DIS3L2: variants seen among roughly 807,000 people sequenced by gnomAD.
DIS3L2 encodes DIS3-like exonuclease 2.
Under a neutral mutation model 97.5 loss-of-function variants are expected in DIS3L2, and 34 were observed. The ratio of observed to expected loss-of-function variants is 0.35; its 90% confidence interval spans 0.27 to 0.46. DIS3L2 has a LOEUF of 0.46. Among genes scored for constraint, DIS3L2 ranks in the 20% least tolerant of loss-of-function variants. The probability of loss-of-function intolerance (pLI) is 1.00; values close to 1 mark genes in which losing one functional copy is unlikely to be tolerated. For synonymous variants in DIS3L2, 435 were observed against 445.2 expected, an observed-to-expected ratio of 0.98 and a Z score of 0.29; for missense variants, 1,038 against 1,146.0, an observed-to-expected ratio of 0.91 and a Z score of 1.36.
chr2:232,329,789 T>TGGCC, intron 14 of DIS3L2, 24 bp from the exon 15 acceptor site: 5 of 368,598 alleles, frequency 1.4e-5, no homozygotes, highest in Non-Finnish European at 2.5e-5. Flanking sequence ...CAGCGGTCCC[T>TGGCC]CCCATCCCAC....
At chr2:232,216,100 C>T (rs930517831) in intron 10 of DIS3L2, among the ~76,000 whole-genome samples, 3 of 152,226 alleles carry the variant, frequency 2.0e-5, no homozygotes, top group Admixed American at 6.5e-5. Context: ...TTGTGTCTGT[C>T]AGGACACCTT....
chr2:232,205,463 G>A (rs1692004766), intron 9 of DIS3L2, among the ~76,000 whole-genome samples: 1 of 151,794 alleles, frequency 6.6e-6, no homozygotes, highest in South Asian at 2.1e-4. Flanking sequence ...CCACCACAAT[G>A]GCTAATTTTT....
chr2:232,329,786 C>CCCCGGGGCGG, intron 14 of DIS3L2, 27 bp from the exon 15 acceptor site: 2 of 430,238 alleles, frequency 4.6e-6, no homozygotes, highest in Non-Finnish European at 8.4e-6. Context: ...CCCCAGCGGT[C>CCCCGGGGCGG]CCTCCCATCC....
intron 14 of DIS3L2, chr2:232,307,749 A>G (rs976059862): frequency 6.6e-6 from 1 of 152,234 alleles, no homozygotes; most frequent in African/African-American, 2.4e-5. Context: ...TTCAAGAAGG[A>G]TATTCACAAT....
At chr2:232,109,912 TA>T (rs1351762213) in intron 6 of DIS3L2, among the ~76,000 whole-genome samples, 3 of 151,882 alleles carry the variant, frequency 2.0e-5, no homozygotes, top group Non-Finnish European at 4.4e-5. Context: ...ACCAACAGAG[TA>T]AACAGACAAC....
At chr2:232,197,885 G>A (rs1022694142) in intron 9 of DIS3L2, among the ~76,000 whole-genome samples, 6 of 151,752 alleles carry the variant, frequency 4.0e-5, no homozygotes, top group East Asian at 1.9e-4. Context: ...ACTTGAACCC[G>A]GGAGGGGAGG....
At chr2:232,249,193 A>C in intron 11 of DIS3L2, 46 bp from the exon 12 acceptor site, 1 of 1,596,750 alleles carries the variant, frequency 6.3e-7, no homozygotes, top group South Asian at 1.1e-5. Context: ...GGCTTCTCCT[A>C]AGCGGGTTGG....
chr2:232,313,250 A>C (rs1486356738), intron 14 of DIS3L2, among the ~76,000 whole-genome samples: 3 of 152,154 alleles, frequency 2.0e-5, no homozygotes, highest in Admixed American at 1.3e-4. Flanking sequence ...TTTAGTATAC[A>C]CTTTATTTTT....
chr2:232,170,852 C>G (rs559184008), intron 9 of DIS3L2, among the ~76,000 whole-genome samples: 1 of 152,282 alleles, frequency 6.6e-6, no homozygotes, highest in South Asian at 2.1e-4. Context: ...TCCTGTCACT[C>G]CAGGTAAAAC....
In DIS3L2 at chr2:232,302,498, C is replaced by G. The variant is rs145554581; in HGVS notation, c.1739+2379C>G. On this transcript the variant is annotated intron_variant, in intron 14 of 20. Coordinates refer to ENST00000325385, the MANE Select transcript of DIS3L2 (RefSeq NM_152383.5). ...GTCAGTCTTAGGGTTCATTCTCAAT[C>G]TTTAGACAACTTTCCTAACCTCTCT... 6.6e-5 allele frequency among the ~76,000 whole-genome samples: 10 copies of G among 151,366 alleles called. No individual in the cohort carries two copies. In the East Asian group the frequency reaches 1.9e-3, roughly 29 times the overall value.
chr2:232,036,266 G>A (rs1397463639), intron 5 of DIS3L2, among the ~76,000 whole-genome samples: 1 of 151,966 alleles, frequency 6.6e-6, no homozygotes, highest in Non-Finnish European at 1.5e-5. Flanking sequence ...ATTTTATTAA[G>A]TTGATCTTCA....
chr2:232,339,716 G>A (rs1183972571), downstream of DIS3L2: 7 of 456,360 alleles, frequency 1.5e-5, no homozygotes, highest in Admixed American at 1.4e-4. Context: ...GTGGGAAGCA[G>A]GAAAGCCACA....
intron 1 of DIS3L2, among the ~76,000 whole-genome samples, chr2:232,013,745 ACTC>A (rs1393197134): frequency 7.2e-5 from 11 of 151,764 alleles, no homozygotes; most frequent in African/African-American, 2.4e-4. Flanking sequence ...GACAGTCTTG[ACTC>A]CTCCATCTGC....
At chr2:232,032,262 G>A (rs1396866815) in intron 5 of DIS3L2, among the ~76,000 whole-genome samples, 3 of 152,216 alleles carry the variant, frequency 2.0e-5, no homozygotes, top group Admixed American at 2.0e-4. Context: ...AATGACCAGT[G>A]TTGATGACCT....
At chr2:232,174,753 C>A (rs1691101541) in intron 9 of DIS3L2, among the ~76,000 whole-genome samples, 1 of 152,062 alleles carries the variant, frequency 6.6e-6, no homozygotes, top group South Asian at 2.1e-4. Flanking sequence ...CAAGCTAGGA[C>A]CTTCTGTACA....
At chr2:232,329,720 T>G in intron 14 of DIS3L2, 93 bp from the exon 15 acceptor site, 2 of 1,280,000 alleles carry the variant, frequency 1.6e-6, no homozygotes, top group Non-Finnish European at 2.1e-6. Context: ...TGAAGGGTGA[T>G]TGATAGAGAG....
chr2:232,209,417 A>G (rs1467099640), intron 9 of DIS3L2, among the ~76,000 whole-genome samples: 1 of 152,186 alleles, frequency 6.6e-6, no homozygotes, highest in East Asian at 1.9e-4. Context: ...GGTTAGTACA[A>G]GTATGGGCAA....
intron 13 of DIS3L2, among the ~76,000 whole-genome samples, chr2:232,278,766 G>A (rs1694210937): frequency 6.6e-6 from 1 of 152,160 alleles, no homozygotes; most frequent in African/African-American, 2.4e-5. Flanking sequence ...GAATAATGCT[G>A]TATTTGCCTA....
At chr2:232,134,817 G>A (rs1304477347) in intron 7 of DIS3L2, among the ~76,000 whole-genome samples, 1 of 151,926 alleles carries the variant, frequency 6.6e-6, no homozygotes, top group African/African-American at 2.4e-5. Flanking sequence ...GGGTGACAGA[G>A]CAAGGTCTCC....
Sources: allele counts gnomAD v4.1 joint callset (sites outside exome capture counted in the v4.1 genomes callset), GRCh38; gene constraint gnomAD v4.1.1; transcripts MANE v1.5; gene names NCBI Gene and HGNC (gene_info 2026-07-23, HGNC 2026-07-21).